Variants in MRPL48 observed in about 807,000 individuals in gnomAD.
The protein encoded by MRPL48 is large ribosomal subunit protein mL48.
A neutral mutation model predicts 32.9 loss-of-function variants in MRPL48; 16 were observed. The observed-to-expected ratio is 0.49, with a 90% confidence interval of 0.33 to 0.74. The LOEUF is 0.74. Ranked by LOEUF, MRPL48 falls within the 30% of genes least tolerant of loss-of-function variation. The pLI is 0.02. For missense variants in MRPL48, 206 were observed against 245.3 expected (o/e 0.84, Z 1.07); for synonymous variants, 94 against 89.2 (o/e 1.05, Z -0.31).
rs768184170 is a variant in MRPL48 at position 73,787,999 on chromosome 11, T to G, written c.21+7T>G. 1 of 1,568,944 alleles carries G rather than the reference T, an allele frequency of 6.4e-7. No homozygotes were observed. Among genetic ancestry groups the G allele is most frequent in the African/African-American group, 1.5e-5 (1 of 65,614 alleles). On this transcript the variant is annotated splice_region_variant and intron_variant, in intron 1 of 7. Coordinates refer to ENST00000310614, the MANE Select transcript of MRPL48 (RefSeq NM_016055.6). ...GAGCGGAACCTTGGAAAAGGTAACG[T>G]AGATTCCACGCACGCGGGGCGCGGG...
chr11:73,788,223 C>G (rs1947080116), intron 1 of MRPL48, among the ~76,000 whole-genome samples: 1 of 152,058 alleles, frequency 6.6e-6, no homozygotes, highest in South Asian at 2.1e-4. Context: ...GTGCCACGCC[C>G]ACACCACATG....
At chr11:73,829,139 T>A (rs1437502334) in intron 4 of MRPL48, among the ~76,000 whole-genome samples, 1 of 152,174 alleles carries the variant, frequency 6.6e-6, no homozygotes, top group Non-Finnish European at 1.5e-5. Context: ...GATACCACGC[T>A]TTAACTGTAT....
intron 1 of MRPL48, among the ~76,000 whole-genome samples, chr11:73,794,274 G>A (rs1226432918): frequency 6.6e-6 from 1 of 151,258 alleles, no homozygotes; most frequent in African/African-American, 2.4e-5. Flanking sequence ...AATAAATCAA[G>A]GCCGGGCATG....
At chr11:73,804,375 C>A (rs1159746624) in intron 1 of MRPL48, among the ~76,000 whole-genome samples, 1 of 152,084 alleles carries the variant, frequency 6.6e-6, no homozygotes, top group East Asian at 1.9e-4. Flanking sequence ...CTCCTGGGTT[C>A]AAGTGATTCT....
At chr11:73,794,947 G>A (rs190572676) in intron 1 of MRPL48, among the ~76,000 whole-genome samples, 7 of 146,576 alleles carry the variant, frequency 4.8e-5, no homozygotes, top group East Asian at 4.1e-4. Context: ...GTCTTGCTCC[G>A]TCGCCCAGGC....
At chr11:73,841,640 G>T (rs1948188403) in intron 4 of MRPL48, among the ~76,000 whole-genome samples, 1 of 152,190 alleles carries the variant, frequency 6.6e-6, no homozygotes, top group African/African-American at 2.4e-5. Flanking sequence ...GGGGAAAGGA[G>T]ATCTTTTTAG....
At chr11:73,851,391 C>G (rs1948386608) in intron 5 of MRPL48, among the ~76,000 whole-genome samples, 1 of 152,160 alleles carries the variant, frequency 6.6e-6, no homozygotes, top group African/African-American at 2.4e-5. Flanking sequence ...GTCCTTCAGC[C>G]AAATTTGAAC....
At chr11:73,848,879 G>A (rs1337340341) in intron 5 of MRPL48, among the ~76,000 whole-genome samples, 2 of 151,920 alleles carry the variant, frequency 1.3e-5, no homozygotes, top group Non-Finnish European at 2.9e-5. Context: ...GAGTGAAGTG[G>A]CGTGATCTCG....
At chr11:73,788,481 T>G (rs1460177563) in intron 1 of MRPL48, among the ~76,000 whole-genome samples, 3 of 146,724 alleles carry the variant, frequency 2.0e-5, no homozygotes, top group African/African-American at 7.5e-5. Flanking sequence ...TCTTTTTTTT[T>G]TTTTTTTTTT....
chr11:73,849,840 G>A (rs34433535), intron 5 of MRPL48, among the ~76,000 whole-genome samples: 8,598 of 152,282 alleles, frequency 0.056, 270 homozygotes, highest in Middle Eastern at 0.11. Flanking sequence ...GCTTACACCT[G>A]TAATCCCAGT....
chr11:73,818,948 C>G (rs546311801), intron 3 of MRPL48, among the ~76,000 whole-genome samples: 4 of 152,200 alleles, frequency 2.6e-5, no homozygotes, highest in African/African-American at 9.6e-5. Context: ...ATTTGAAACC[C>G]TGGGGTTTTG....
At chr11:73,794,747 C>CTTTTTTTT (rs1356375156) in intron 1 of MRPL48, among the ~76,000 whole-genome samples, 1 of 134,938 alleles carries the variant, frequency 7.4e-6, no homozygotes, top group African/African-American at 2.8e-5. Flanking sequence ...TACTTCTTTT[C>CTTTTTTTT]TTTTTTTTTT....
At chr11:73,808,637 T>C (rs9734815) in intron 3 of MRPL48, among the ~76,000 whole-genome samples, 3 of 151,922 alleles carry the variant, frequency 2.0e-5, no homozygotes, top group African/African-American at 4.8e-5. Context: ...GAGCAGGCTG[T>C]GAGGCCGGGT....
intron 1 of MRPL48, among the ~76,000 whole-genome samples, chr11:73,798,576 G>T (rs1050848403): frequency 6.6e-6 from 1 of 152,180 alleles, no homozygotes; most frequent in Non-Finnish European, 1.5e-5. Context: ...GGCTTTCTAT[G>T]TGGGAGAACA....
chr11:73,827,475 C>T (rs1947919011), intron 4 of MRPL48, among the ~76,000 whole-genome samples: 1 of 152,042 alleles, frequency 6.6e-6, no homozygotes, highest in Non-Finnish European at 1.5e-5. Context: ...ATTATTTAGC[C>T]CATTTCTTTG....
intron 3 of MRPL48, among the ~76,000 whole-genome samples, chr11:73,814,043 A>G (rs1333542415): frequency 1.3e-5 from 2 of 150,464 alleles, no homozygotes; most frequent in African/African-American, 2.4e-5. Context: ...TCTGTCTCAA[A>G]AAAAAAAAAA....
chr11:73,808,252 A>G, intron 2 of MRPL48, 61 bp from the exon 3 acceptor site: 2 of 1,493,030 alleles, frequency 1.3e-6, no homozygotes, highest in Non-Finnish European at 1.8e-6. Flanking sequence ...AAATTTTGCA[A>G]ACTATGCAAA....
Position 73,864,476 on chromosome 11 carries a change from AG to A in MRPL48, c.*107del. 1.8e-6 allele frequency: 2 copies of A among 1,140,088 alleles called. No homozygotes were observed. The highest frequency in any genetic ancestry group is 2.7e-5 in the South Asian group (2 of 75,220). The allele number at this position is 1,140,088 out of a possible 1,614,324, so 70.6% of individuals were successfully genotyped here. A position where few individuals can be genotyped will look rare whatever the true frequency, so the allele number is the denominator to read the frequency against. ...GGAGACCCAACCCTTAGATTTCATA[AG>A]TACCCATTCCCATAGCCAGTAATGT... On this transcript the variant is annotated 3_prime_UTR_variant, in exon 8 of 8. Coordinates refer to ENST00000310614, the MANE Select transcript of MRPL48 (RefSeq NM_016055.6).
intron 3 of MRPL48, among the ~76,000 whole-genome samples, chr11:73,822,550 G>A (rs1424814413): frequency 6.6e-6 from 1 of 152,192 alleles, no homozygotes; most frequent in Non-Finnish European, 1.5e-5. Context: ...ATATTTCTGG[G>A]TTGTCTTGAT....
Sources: gnomAD v4.1 joint callset for allele counts (sites outside exome capture counted in the v4.1 genomes callset) on GRCh38, gnomAD v4.1.1 for gene constraint, MANE v1.5 for transcripts, NCBI Gene and HGNC (gene_info 2026-07-23, HGNC 2026-07-21) for gene names.